The following DHX57 variants were observed in gnomAD, a reference collection of about 807,000 sequenced individuals.
DHX57 encodes putative ATP-dependent RNA helicase DHX57.
DHX57 carries 105 observed loss-of-function variants against 156.2 expected under a neutral mutation model. The observed-to-expected ratio is 0.67, with a 90% CI of 0.57 to 0.79. DHX57 has a LOEUF of 0.79. Ranked by LOEUF, DHX57 falls within the 30% of genes least tolerant of loss-of-function variation. The pLI, the probability that DHX57 is intolerant of heterozygous loss-of-function variation, is 0.00. For missense variants in DHX57, 1,847 were observed against 1,661.9 expected (o/e 1.11, Z -1.94); for synonymous variants, 704 against 595.6 (o/e 1.18, Z -2.65).
rs199984178 is a variant in DHX57 at position 38,806,729 on chromosome 2, T to A, written c.3682-36A>T. On this transcript the variant is annotated intron_variant, in intron 21 of 23. Coordinates refer to ENST00000457308, the MANE Select transcript of DHX57 (RefSeq NM_198963.3). ...AGTATTTGTAAAAATAGACATATAA[T>A]ATATATATTCTCATAGAAAGTATCT... The A allele has an allele frequency of 1.7e-5, 27 of 1,584,484 alleles. No individual in the cohort carries two copies. The East Asian group carries it at 6.0e-4, about 35-fold the overall frequency.
At chr2:38,800,387 T>G (rs1234740225) in intron 23 of DHX57, among the ~76,000 whole-genome samples, 1 of 152,044 alleles carries the variant, frequency 6.6e-6, no homozygotes, top group East Asian at 1.9e-4. Context: ...AGATATTAGA[T>G]GAATCAAAAA....
chr2:38,813,186 G>A (rs1395789063), intron 21 of DHX57, among the ~76,000 whole-genome samples: 1 of 151,974 alleles, frequency 6.6e-6, no homozygotes, highest in Non-Finnish European at 1.5e-5. Flanking sequence ...AAGATAAACT[G>A]TAGTTGAATC....
chr2:38,822,970 T>A, intron 17 of DHX57, 23 bp downstream of exon 17: 11 of 1,610,898 alleles, frequency 6.8e-6, no homozygotes, highest in Non-Finnish European at 9.3e-6. Context: ...AGACTCCAGT[T>A]TAGATGAATG....
chr2:38,835,668 C>A (rs935241239), intron 13 of DHX57, among the ~76,000 whole-genome samples: 3 of 152,074 alleles, frequency 2.0e-5, no homozygotes, highest in African/African-American at 4.8e-5. Flanking sequence ...GTCAATGCTA[C>A]GAAAGAGAAT....
At chr2:38,848,468 A>C (rs1672406650) in intron 9 of DHX57, 66 bp from the exon 10 acceptor site, 3 of 1,505,248 alleles carry the variant, frequency 2.0e-6, no homozygotes, top group Non-Finnish European at 2.7e-6. Flanking sequence ...AGTAACTTTT[A>C]CTATATTTTG....
chr2:38,806,353 G>T, intron 22 of DHX57: 1 of 513,556 alleles, frequency 1.9e-6, no homozygotes, highest in South Asian at 4.2e-5. Flanking sequence ...AGTACTTTTT[G>T]GTATTCAGTA....
chr2:38,805,108 G>A (rs1669878778), intron 22 of DHX57, among the ~76,000 whole-genome samples: 1 of 152,142 alleles, frequency 6.6e-6, no homozygotes, highest in African/African-American at 2.4e-5. Flanking sequence ...CTCAAAAGAG[G>A]AGTAGTTCTT....
In DHX57 at chr2:38,822,510, T is replaced by C. The variant is rs565947151; in HGVS notation, c.3291+483A>G. Among the ~76,000 whole-genome samples the C allele has an allele frequency of 1.2e-3, 186 of 152,012 alleles. 2 individuals carry two copies. The highest frequency in any genetic ancestry group is 4.3e-3 in the African/African-American group (179 of 41,466). On this transcript the variant is annotated intron_variant, in intron 17 of 23. Transcript: ENST00000457308. ...CCAGGTTCAAGCGATTCTCCTGCAT[T>C]AGCCTCCCAAGTAGTTGGGACTACA... is the stretch of plus-strand genomic sequence containing the variant.
rs33985881 is a variant in DHX57 at position 38,834,331 on chromosome 2, C to CAA, written c.2542+3498_2542+3499dup. Among the ~76,000 whole-genome samples the CAA allele has an allele frequency of 1.7e-3, 143 of 83,824 alleles. 1 individual carries two copies. The highest frequency in any genetic ancestry group is 3.0e-3 in the Admixed American group (22 of 7,404). The allele number at this position is 83,824 out of a possible 152,430, so 55.0% of individuals were successfully genotyped here. Reference sequence around the variant, plus strand: ...GGTCAACAAGAGCAAAACTCCATCTCAAAAAAAAAAAAAAAAAAAAGTGGT... The same window carrying CAA: ...GGTCAACAAGAGCAAAACTCCATCTCAAAAAAAAAAAAAAAAAAAAAAGTGGT... On this transcript the variant is annotated intron_variant, in intron 13 of 23. Coordinates refer to ENST00000457308, the MANE Select transcript of DHX57 (RefSeq NM_198963.3).
chr2:38,847,363 CAT>C (rs1454464880), intron 10 of DHX57, among the ~76,000 whole-genome samples: 2 of 152,154 alleles, frequency 1.3e-5, no homozygotes, highest in East Asian at 3.8e-4. Flanking sequence ...CCACTTCCAC[CAT>C]AGAGGACCTT....
chr2:38,828,203 T>C (rs1671201879), intron 14 of DHX57, 137 bp downstream of exon 14: 10 of 541,308 alleles, frequency 1.8e-5, no homozygotes, highest in South Asian at 6.3e-5. Context: ...CTGCAGCAAA[T>C]AGGTTTGCTC....
intron 9 of DHX57, chr2:38,853,809 T>C: frequency 1.1e-5 from 3 of 285,068 alleles, no homozygotes; most frequent in Non-Finnish European, 1.3e-5. Context: ...CCCAGGATGG[T>C]GTGAAGTATA....
At chr2:38,835,011 T>C (rs1671579702) in intron 13 of DHX57, among the ~76,000 whole-genome samples, 1 of 152,296 alleles carries the variant, frequency 6.6e-6, no homozygotes, top group East Asian at 1.9e-4. Flanking sequence ...CTGGGAAATT[T>C]AATGCCAGCA....
At chr2:38,875,100 C>T (rs150088229) in intron 1 of DHX57, among the ~76,000 whole-genome samples, 228 of 152,320 alleles carry the variant, frequency 1.5e-3, no homozygotes, top group African/African-American at 5.0e-3. Context: ...ATGCGCTTAA[C>T]ATTTTAAACG....
rs73930367 is a variant in DHX57 at position 38,818,813 on chromosome 2, C to T, written c.3471+64G>A. Reference sequence around the variant, plus strand: ...TAAGACAGGACACATGAGACAAAGTCGCAGCACCCTCTGGTGAGCTACTCT... The same window carrying T: ...TAAGACAGGACACATGAGACAAAGTTGCAGCACCCTCTGGTGAGCTACTCT... On this transcript the variant is annotated intron_variant, in intron 19 of 23. Coordinates refer to ENST00000457308, the MANE Select transcript of DHX57 (RefSeq NM_198963.3). The T allele has an allele frequency of 6.9e-4, 1,071 of 1,555,686 alleles. 8 individuals are homozygous for T. The African/African-American group carries it at 0.013, about 19-fold the overall frequency.
chr2:38,849,050 T>A (rs1192235119), intron 9 of DHX57, among the ~76,000 whole-genome samples: 1 of 152,226 alleles, frequency 6.6e-6, no homozygotes, highest in Admixed American at 6.5e-5. Flanking sequence ...GGGTACAAAT[T>A]TGATAATTCT....
intron 11 of DHX57, among the ~76,000 whole-genome samples, chr2:38,846,138 T>A (rs1672273973): frequency 6.6e-6 from 1 of 152,148 alleles, no homozygotes; most frequent in Non-Finnish European, 1.5e-5. Flanking sequence ...AGTGCTGGGA[T>A]TACAGGTGTG....
chr2:38,827,149 A>AAAATG (rs1671126728), intron 14 of DHX57, among the ~76,000 whole-genome samples: 1 of 151,526 alleles, frequency 6.6e-6, no homozygotes, highest in Non-Finnish European at 1.5e-5. Context: ...AAAATAAAAT[A>AAAATG]AAATAAAATA....
At chr2:38,803,170 G>A (rs923255162) in intron 22 of DHX57, 2 of 431,016 alleles carry the variant, frequency 4.6e-6, no homozygotes, top group Admixed American at 3.8e-5. Context: ...TAGAGATAGG[G>A]TCTCACCATG....
Sources: allele counts gnomAD v4.1 joint callset (sites outside exome capture counted in the v4.1 genomes callset), GRCh38; gene constraint gnomAD v4.1.1; transcripts MANE v1.5; gene names NCBI Gene and HGNC (gene_info 2026-07-23, HGNC 2026-07-21).